The following LRRC4C variants were observed in gnomAD, a reference collection of about 807,000 sequenced individuals.
LRRC4C encodes leucine rich repeat containing 4C.
In LRRC4C, 5 loss-of-function variants were observed where a neutral mutation model predicts 33.6. That is an observed-to-expected ratio of 0.15 (90% confidence interval 0.08 to 0.31). The LOEUF (loss-of-function observed/expected upper bound fraction) is 0.31, where lower values mean the gene tolerates loss of function less well. Among genes scored for constraint, LRRC4C ranks in the 10% least tolerant of loss-of-function variants. LRRC4C has a pLI of 1.00. For missense variants in LRRC4C, 560 were observed against 796.7 expected (o/e 0.70, Z 3.58); for synonymous variants, 329 against 302.0 (o/e 1.09, Z -0.93).
chr11:40,392,950 A>G (rs887355125), intron 3 of LRRC4C, among the ~76,000 whole-genome samples: 4 of 152,158 alleles, frequency 2.6e-5, no homozygotes, highest in African/African-American at 9.7e-5. Context: ...GGATCCAGCC[A>G]TCAGTAACAG....
At chr11:40,949,156 T>C (rs1958570896) in intron 1 of LRRC4C, among the ~76,000 whole-genome samples, 1 of 152,204 alleles carries the variant, frequency 6.6e-6, no homozygotes, top group Non-Finnish European at 1.5e-5. Flanking sequence ...TTTGGCTGCA[T>C]AAATGTCTTC....
At chr11:40,703,101 G>A (rs990801299) in intron 2 of LRRC4C, among the ~76,000 whole-genome samples, 13 of 151,828 alleles carry the variant, frequency 8.6e-5, no homozygotes, top group Admixed American at 7.9e-4. Context: ...TATACCTCAG[G>A]GGGCATTAGG....
chr11:41,362,790 C>CT (rs151264006), intron 1 of LRRC4C, among the ~76,000 whole-genome samples: 26,921 of 150,522 alleles, frequency 0.18, 2,728 homozygotes, highest in East Asian at 0.44. Context: ...CATTCCTAAA[C>CT]TTTCTTTTTT....
intron 3 of LRRC4C, among the ~76,000 whole-genome samples, chr11:40,593,958 C>A (rs921882138): frequency 5.9e-5 from 9 of 152,148 alleles, no homozygotes; most frequent in African/African-American, 2.2e-4. Flanking sequence ...AGATCATATT[C>A]TTTCCAGTTA....
rs528263546 is a variant in LRRC4C at position 41,261,422 on chromosome 11, ACACATT to A, written c.-496+198003_-496+198008del. ...AAGTCTCTGAACTGGGTGACATTAG[ACACATT>A]TGAAAGTGGAATAGCAAATGGGAAA... is the stretch of plus-strand genomic sequence containing the variant. On this transcript the variant is annotated intron_variant, in intron 1 of 6. Transcript: ENST00000528697. Among the ~76,000 whole-genome samples the A allele has an allele frequency of 1.5e-4, 23 of 152,214 alleles. No individual in the cohort carries two copies. In the South Asian group the frequency reaches 4.1e-3, roughly 27 times the overall value.
intron 2 of LRRC4C, among the ~76,000 whole-genome samples, chr11:40,695,271 G>A (rs115377557): frequency 7.9e-4 from 120 of 152,170 alleles, no homozygotes; most frequent in African/African-American, 2.8e-3. Flanking sequence ...AAGTATACTC[G>A]GACTAGTTTG....
chr11:40,435,461 T>C (rs187433326), intron 3 of LRRC4C, among the ~76,000 whole-genome samples: 22 of 152,334 alleles, frequency 1.4e-4, no homozygotes, highest in African/African-American at 5.1e-4. Context: ...GGATTATCCA[T>C]ATTGCTCCAT....
intron 2 of LRRC4C, among the ~76,000 whole-genome samples, chr11:40,764,098 T>C (rs532711162): frequency 3.4e-4 from 52 of 152,274 alleles, no homozygotes; most frequent in African/African-American, 1.2e-3. Flanking sequence ...GGGAGGACTT[T>C]GTCTTGCAAC....
chr11:40,169,529 T>A (rs1035363063), intron 5 of LRRC4C, among the ~76,000 whole-genome samples: 2 of 152,156 alleles, frequency 1.3e-5, no homozygotes, highest in Admixed American at 6.6e-5. Context: ...TATATTTTAG[T>A]AGGTATATAA....
At chr11:40,139,268 C>T (rs926208802) in intron 6 of LRRC4C, among the ~76,000 whole-genome samples, 1 of 152,152 alleles carries the variant, frequency 6.6e-6, no homozygotes, top group Non-Finnish European at 1.5e-5. Context: ...AAACTTGCTG[C>T]TCACAGTTTC....
At chr11:41,302,166 GC>G (rs1162591733) in intron 1 of LRRC4C, among the ~76,000 whole-genome samples, 8 of 152,170 alleles carry the variant, frequency 5.3e-5, no homozygotes, top group African/African-American at 1.9e-4. Context: ...TACAATGCCT[GC>G]CTTCTCAGAG....
chr11:41,160,941 GA>G (rs1394462471), intron 1 of LRRC4C, among the ~76,000 whole-genome samples: 3 of 152,086 alleles, frequency 2.0e-5, no homozygotes, highest in African/African-American at 7.2e-5. Flanking sequence ...TGAGATAAAA[GA>G]ATTACAAGCA....
At chr11:40,911,361 G>C (rs542632795) in intron 2 of LRRC4C, among the ~76,000 whole-genome samples, 1 of 152,118 alleles carries the variant, frequency 6.6e-6, no homozygotes. Flanking sequence ...CCAGAGGAAC[G>C]ATCAGGCAGC....
chr11:41,184,962 A>C (rs935112198), intron 1 of LRRC4C, among the ~76,000 whole-genome samples: 5 of 152,148 alleles, frequency 3.3e-5, no homozygotes, highest in African/African-American at 1.2e-4. Flanking sequence ...GAGCTTGTGC[A>C]GGGAAACTAC....
intron 1 of LRRC4C, among the ~76,000 whole-genome samples, chr11:41,274,529 G>C (rs1297657306): frequency 6.6e-6 from 1 of 152,126 alleles, no homozygotes; most frequent in Non-Finnish European, 1.5e-5. Context: ...GTGACATTGA[G>C]AGGTGAAGCC....
intron 1 of LRRC4C, among the ~76,000 whole-genome samples, chr11:41,344,925 C>G (rs1365196711): frequency 3.3e-5 from 5 of 152,118 alleles, no homozygotes; most frequent in African/African-American, 9.7e-5. Flanking sequence ...CTCTGATAGT[C>G]GTTGCATTGG....
chr11:40,547,072 T>G (rs1956954214), intron 3 of LRRC4C, among the ~76,000 whole-genome samples: 1 of 152,158 alleles, frequency 6.6e-6, no homozygotes, highest in Non-Finnish European at 1.5e-5. Context: ...GTTCTTAAAG[T>G]TGATTTTTTG....
chr11:40,563,427 A>T (rs1408198857), intron 3 of LRRC4C, among the ~76,000 whole-genome samples: 1 of 152,168 alleles, frequency 6.6e-6, no homozygotes, highest in Non-Finnish European at 1.5e-5. Flanking sequence ...GAGTAACAAC[A>T]CCTACAAGGA....
chr11:41,339,248 T>C lies in LRRC4C; in HGVS notation c.-496+120183A>G, dbSNP rs534174525. On this transcript the variant is annotated intron_variant, in intron 1 of 6. Transcript: ENST00000528697. ...AACTTAAACTTTCATATATCTTTAC[T>C]TTTACCAAGATTCTACCTAAATAAA... is the stretch of plus-strand genomic sequence containing the variant. 1.1e-4 allele frequency among the ~76,000 whole-genome samples: 16 copies of C among 152,332 alleles called. No homozygotes were observed. The South Asian group carries it at 2.3e-3, about 22-fold the overall frequency.
Sources: gnomAD v4.1 joint callset for allele counts (sites outside exome capture counted in the v4.1 genomes callset) on GRCh38, gnomAD v4.1.1 for gene constraint, MANE v1.5 for transcripts, NCBI Gene and HGNC (gene_info 2026-07-23, HGNC 2026-07-21) for gene names.